The following ST3GAL3 variants were observed in gnomAD, a reference collection of about 807,000 sequenced individuals.
The protein encoded by ST3GAL3 is CMP-N-acetylneuraminate-beta-1,4-galactoside alpha-2,3-sialyltransferase.
Under a neutral mutation model 50.1 loss-of-function variants are expected in ST3GAL3, and 21 were observed. The observed-to-expected ratio is 0.42, with a 90% CI of 0.30 to 0.60. The LOEUF is 0.60. Among genes scored for constraint, ST3GAL3 ranks in the 20% least tolerant of loss-of-function variants. ST3GAL3 has a pLI of 0.19. For missense variants in ST3GAL3, 353 were observed against 489.4 expected (o/e 0.72, Z 2.63); for synonymous variants, 183 against 190.0 (o/e 0.96, Z 0.30).
At chr1:43,818,118 ACTCT>A (rs975531036) in intron 4 of ST3GAL3, among the ~76,000 whole-genome samples, 1 of 151,756 alleles carries the variant, frequency 6.6e-6, no homozygotes, top group Admixed American at 6.6e-5. Flanking sequence ...CCTCTGCCCC[ACTCT>A]CTCTCTACGC....
At chr1:43,868,466 C>T (rs2071852087) in intron 5 of ST3GAL3, among the ~76,000 whole-genome samples, 1 of 152,026 alleles carries the variant, frequency 6.6e-6, no homozygotes, top group Admixed American at 6.6e-5. Context: ...AGCTTTAGTC[C>T]CATAGGCTGG....
intron 5 of ST3GAL3, among the ~76,000 whole-genome samples, chr1:43,847,728 T>C (rs577712499): frequency 1.3e-5 from 2 of 152,326 alleles, no homozygotes; most frequent in African/African-American, 4.8e-5. Context: ...AGTGTGAAAA[T>C]AACTAATACT....
intron 2 of ST3GAL3, among the ~76,000 whole-genome samples, chr1:43,750,628 G>T (rs563502219): frequency 1.3e-5 from 2 of 152,164 alleles, no homozygotes; most frequent in South Asian, 4.1e-4. Flanking sequence ...AGTGGCTAAT[G>T]CCTGTAATCC....
chr1:43,882,232 C>T (rs928526033), intron 5 of ST3GAL3, among the ~76,000 whole-genome samples: 5 of 152,032 alleles, frequency 3.3e-5, no homozygotes, highest in African/African-American at 1.2e-4. Context: ...GATAAGGAGA[C>T]GAGAACCCCA....
intron 1 of ST3GAL3, among the ~76,000 whole-genome samples, chr1:43,718,390 T>C (rs12139239): frequency 0.42 from 63,949 of 150,872 alleles, 13,788 homozygotes; most frequent in East Asian, 0.49. Context: ...GGGGTTTCAC[T>C]GTGTTAGCCA....
intron 3 of ST3GAL3, among the ~76,000 whole-genome samples, chr1:43,809,064 T>C (rs1053931095): frequency 2.0e-5 from 3 of 151,768 alleles, no homozygotes; most frequent in Non-Finnish European, 4.4e-5. Flanking sequence ...CCCAACAAGG[T>C]AAAATTCACA....
At chr1:43,804,662 G>A (rs1189591369) in intron 3 of ST3GAL3, among the ~76,000 whole-genome samples, 1 of 152,164 alleles carries the variant, frequency 6.6e-6, no homozygotes, top group Admixed American at 6.6e-5. Flanking sequence ...GGTGTGAAGG[G>A]CATTAAATAA....
intron 1 of ST3GAL3, 128 bp from the exon 2 acceptor site, chr1:43,736,105 C>A: frequency 1.2e-6 from 1 of 865,032 alleles, no homozygotes; most frequent in Non-Finnish European, 1.8e-6. Context: ...TTAGAAGATG[C>A]CATGATATGA....
chr1:43,807,704 A>G (rs1047924587), intron 3 of ST3GAL3, among the ~76,000 whole-genome samples: 3 of 152,236 alleles, frequency 2.0e-5, no homozygotes, highest in Non-Finnish European at 4.4e-5. Context: ...CGAGAAGAGT[A>G]GAAATGGAGA....
intron 2 of ST3GAL3, among the ~76,000 whole-genome samples, chr1:43,778,644 C>CT (rs35726867): frequency 0.35 from 41,363 of 118,674 alleles, 7,750 homozygotes; most frequent in East Asian, 0.5. Context: ...TTCTTTTTTT[C>CT]TTTTTTTTTT....
intron 2 of ST3GAL3, among the ~76,000 whole-genome samples, chr1:43,784,288 C>T (rs1443763550): frequency 1.3e-5 from 2 of 152,124 alleles, no homozygotes; most frequent in African/African-American, 4.8e-5. Context: ...GTGGGTGGAT[C>T]ATTTGAGGTC....
intron 5 of ST3GAL3, among the ~76,000 whole-genome samples, chr1:43,890,180 T>C (rs550194161): frequency 6.6e-6 from 1 of 152,336 alleles, no homozygotes; most frequent in East Asian, 1.9e-4. Flanking sequence ...TTAGGTGTGG[T>C]TTATGTTTTA....
intron 9 of ST3GAL3, among the ~76,000 whole-genome samples, chr1:43,916,353 C>A (rs779041861): frequency 6.6e-6 from 1 of 152,134 alleles, no homozygotes; most frequent in African/African-American, 2.4e-5. Context: ...AGGGATGGAT[C>A]TGTACCGTTC....
At chr1:43,863,309 G>A (rs565713947) in intron 5 of ST3GAL3, among the ~76,000 whole-genome samples, 2 of 152,342 alleles carry the variant, frequency 1.3e-5, no homozygotes, top group African/African-American at 2.4e-5. Context: ...GGAGGCTGAA[G>A]CCCTGCACCC....
At chr1:43,906,122 T>C (rs898410592) in intron 9 of ST3GAL3, among the ~76,000 whole-genome samples, 543 of 17,452 alleles carry the variant, frequency 0.031, no homozygotes, top group Non-Finnish European at 0.041. Context: ...CCTCCCCCTC[T>C]TCCTGCTCCT....
chr1:43,878,176 G>A (rs941606497), intron 5 of ST3GAL3, among the ~76,000 whole-genome samples: 6 of 152,120 alleles, frequency 3.9e-5, no homozygotes, highest in Admixed American at 6.5e-5. Flanking sequence ...TTGACCTGTG[G>A]TCACATTGCC....
rs890158144 is a variant in ST3GAL3 at position 43,733,337 on chromosome 1, T to C, written c.-30-2896T>C. On this transcript the variant is annotated intron_variant, in intron 1 of 11. Coordinates refer to ENST00000347631, the MANE Select transcript of ST3GAL3 (RefSeq NM_006279.5). ...TGTACAAAGGGAAAAGTAAAAGTCC[T>C]CTGAGTCTCACCTGCTTCTCATCAT... is the stretch of plus-strand genomic sequence containing the variant. Among the ~76,000 whole-genome samples the C allele has an allele frequency of 2.0e-5, 3 of 152,206 alleles. No individual in the cohort carries two copies. In the South Asian group the frequency reaches 6.2e-4, roughly 31 times the overall value.
chr1:43,870,984 T>C (rs1038715385), intron 5 of ST3GAL3, among the ~76,000 whole-genome samples: 1 of 152,122 alleles, frequency 6.6e-6, no homozygotes, highest in African/African-American at 2.4e-5. Context: ...TTCTGAGAAG[T>C]AACCCCTGTG....
At chr1:43,767,679 T>TG (rs1012334071) in intron 2 of ST3GAL3, among the ~76,000 whole-genome samples, 14 of 26,978 alleles carry the variant, frequency 5.2e-4, no homozygotes, top group Admixed American at 1.8e-3. Flanking sequence ...AAAACTTGGG[T>TG]GGGGGGGTAG....
Sources: gnomAD v4.1 joint callset for allele counts (sites outside exome capture counted in the v4.1 genomes callset) on GRCh38, gnomAD v4.1.1 for gene constraint, MANE v1.5 for transcripts, NCBI Gene and HGNC (gene_info 2026-07-23, HGNC 2026-07-21) for gene names.